BCCIP: variants seen among roughly 807,000 people sequenced by gnomAD.
BCCIP encodes BRCA2 and CDKN1A-interacting protein.
In BCCIP, 23 loss-of-function variants were observed where a neutral mutation model predicts 32.8. The observed-to-expected ratio is 0.70, with a 90% confidence interval of 0.51 to 0.99. BCCIP has a LOEUF of 0.99. Among genes scored for constraint, BCCIP ranks in the 50% least tolerant of loss-of-function variants. The probability of loss-of-function intolerance (pLI) is 0.00; values close to 1 mark genes in which losing one functional copy is unlikely to be tolerated. For synonymous variants in BCCIP, 144 were observed against 137.6 expected, an observed-to-expected ratio of 1.05 and a Z score of -0.33; for missense variants, 378 against 379.8, an observed-to-expected ratio of 1.00 and a Z score of 0.04.
exon 7 of BCCIP, chr10:125,842,385 AG>A (rs1318662197): frequency 6.5e-6 from 1 of 154,072 alleles, no homozygotes; most frequent in East Asian, 1.9e-4. Flanking sequence ...CTCAGGCCAG[AG>A]AAAGAGCCAT....
chr10:125,840,141 T>C (rs1008191635), downstream of BCCIP, among the ~76,000 whole-genome samples: 1 of 152,246 alleles, frequency 6.6e-6, no homozygotes, highest in Non-Finnish European at 1.5e-5. Context: ...CCTTACTGGC[T>C]GCCCTTTATG....
At chr10:125,838,142 T>C, downstream of BCCIP, 2 of 1,448,792 alleles carry the variant, frequency 1.4e-6, no homozygotes, top group Non-Finnish European at 1.8e-6. Flanking sequence ...GCCAAATTTG[T>C]CATTTACTCC....
chr10:125,829,847 G>A (rs1418474090), intron 3 of BCCIP, among the ~76,000 whole-genome samples: 1 of 152,172 alleles, frequency 6.6e-6, no homozygotes, highest in Non-Finnish European at 1.5e-5. Flanking sequence ...CTCTTTAAAT[G>A]GATAATCACA....
intron 7 of BCCIP, chr10:125,853,079 C>T (rs1944112200): frequency 1.5e-6 from 2 of 1,367,760 alleles, no homozygotes; most frequent in South Asian, 1.3e-5. Context: ...ATCATAACAG[C>T]TAATACAGAA....
intron 6 of BCCIP, among the ~76,000 whole-genome samples, chr10:125,834,973 A>C (rs1197654769): frequency 6.6e-6 from 1 of 151,104 alleles, no homozygotes; most frequent in Non-Finnish European, 1.5e-5. Context: ...TCTACTAAAA[A>C]ATACAAAAAA....
downstream of BCCIP, among the ~76,000 whole-genome samples, chr10:125,846,532 C>G (rs1012310137): frequency 6.6e-6 from 1 of 152,140 alleles, no homozygotes; most frequent in Non-Finnish European, 1.5e-5. Context: ...CTGGGGCAGG[C>G]ACACATCTGG....
intron 7 of BCCIP, among the ~76,000 whole-genome samples, chr10:125,850,522 T>C (rs542281797): frequency 1.3e-5 from 2 of 152,118 alleles, no homozygotes; most frequent in East Asian, 3.9e-4. Flanking sequence ...CATGCCCGGC[T>C]AATTTTGTTT....
chr10:125,839,117 C>T (rs754910755), downstream of BCCIP: 6 of 1,614,240 alleles, frequency 3.7e-6, no homozygotes, highest in South Asian at 6.6e-5. Flanking sequence ...AAGAGTTCAG[C>T]TCGAATAACA....
At chr10:125,841,969 C>T (rs1401148778) in exon 7 of BCCIP, 3 of 1,537,374 alleles carry the variant, frequency 2.0e-6, no homozygotes, top group Non-Finnish European at 1.7e-6. Context: ...TTAAGAGTCT[C>T]ATATGGCTAA....
downstream of BCCIP, chr10:125,841,280 G>A (rs1854872472): frequency 1.2e-6 from 2 of 1,613,962 alleles, no homozygotes; most frequent in African/African-American, 2.7e-5. Context: ...GAGGTGCTTG[G>A]AGGTCCAGAC....
chr10:125,852,158 A>C (rs1944098724), intron 7 of BCCIP: 3 of 1,097,862 alleles, frequency 2.7e-6, no homozygotes, highest in Non-Finnish European at 3.8e-6. Flanking sequence ...CTAGCAGGAA[A>C]ATGCTTCAGT....
At chr10:125,845,019 T>G (rs140124498), downstream of BCCIP, among the ~76,000 whole-genome samples, 2 of 152,320 alleles carry the variant, frequency 1.3e-5, no homozygotes, top group East Asian at 3.9e-4. Flanking sequence ...TGTGCCTGCA[T>G]TTTCCTTCCT....
In BCCIP at chr10:125,836,494, G is replaced by A. The variant is rs1463337168; in HGVS notation, c.*220G>A. On this transcript the variant is annotated 3_prime_UTR_variant, in exon 7 of 7. Coordinates refer to ENST00000278100, the MANE Select transcript of BCCIP (RefSeq NM_078468.3). ...AAAAACTTTTCCAAGAAGAAGAAAAGCATGGAGTAGTAATTTAAAGAACTC... is the reference window on the plus strand; with the variant it reads ...AAAAACTTTTCCAAGAAGAAGAAAAACATGGAGTAGTAATTTAAAGAACTC... 2.2e-6 allele frequency: 3 copies of A among 1,374,910 alleles called. No homozygotes were observed. Among genetic ancestry groups the A allele is most frequent in the Admixed American group, 3.2e-5 (1 of 31,310 alleles). The allele number at this position is 1,374,910 out of a possible 1,614,324, so 85.2% of individuals were successfully genotyped here. A position where few individuals can be genotyped will look rare whatever the true frequency, so the allele number is the denominator to read the frequency against.
chr10:125,838,933 T>C (rs889426999), downstream of BCCIP: 35 of 1,470,104 alleles, frequency 2.4e-5, no homozygotes, highest in African/African-American at 4.4e-4. Flanking sequence ...TAAGCCATTG[T>C]TGGCAGCATA....
chr10:125,833,030 G>A (rs1372507389), intron 5 of BCCIP, among the ~76,000 whole-genome samples: 2 of 151,220 alleles, frequency 1.3e-5, no homozygotes, highest in African/African-American at 2.4e-5. Context: ...GCTTAGGCAC[G>A]AAAATCGTGT....
downstream of BCCIP, chr10:125,840,895 T>C (rs369765629): frequency 4.1e-5 from 66 of 1,609,824 alleles, no homozygotes; most frequent in Non-Finnish European, 5.4e-5. Context: ...TTGTAAATGC[T>C]GATGAGGGTA....
downstream of BCCIP, among the ~76,000 whole-genome samples, chr10:125,846,658 C>T (rs952579625): frequency 1.3e-4 from 20 of 152,162 alleles, no homozygotes; most frequent in African/African-American, 4.6e-4. Context: ...AAATTGTCCC[C>T]TTTTATAGGA....
chr10:125,826,517 G>C (rs1314588149), intron 1 of BCCIP, 74 bp from the exon 2 acceptor site: 21 of 1,586,090 alleles, frequency 1.3e-5, no homozygotes, highest in Non-Finnish European at 1.5e-5. Flanking sequence ...GGCAATCTTG[G>C]CAATGTTTGC....
At chr10:125,838,926 G>A (rs1344058076), downstream of BCCIP, 2 of 1,427,630 alleles carry the variant, frequency 1.4e-6, no homozygotes, top group Non-Finnish European at 1.9e-6. Context: ...ATCATCCTAA[G>A]CCATTGTTGG....
Sources: allele counts gnomAD v4.1 joint callset (sites outside exome capture counted in the v4.1 genomes callset), GRCh38; gene constraint gnomAD v4.1.1; transcripts MANE v1.5; gene names NCBI Gene and HGNC (gene_info 2026-07-23, HGNC 2026-07-21).